REPS2: variants seen among roughly 807,000 people sequenced by gnomAD.
The protein encoded by REPS2 is ralBP1-associated Eps domain-containing protein 2.
In REPS2, 23 loss-of-function variants were observed where a neutral mutation model predicts 53.6. That is an observed-to-expected ratio of 0.43 (90% confidence interval 0.31 to 0.61). The LOEUF is 0.61. Ranked by LOEUF, REPS2 falls within the 20% of genes least tolerant of loss-of-function variation. REPS2 has a pLI of 0.11. For missense variants in REPS2, 446 were observed against 534.9 expected (o/e 0.83, Z 1.64); for synonymous variants, 238 against 218.6 (o/e 1.09, Z -0.78).
chrX:17,131,992 G>A lies in REPS2; in HGVS notation c.1579-1832G>A, dbSNP rs188086467. Among the ~76,000 whole-genome samples, 18 of 108,480 alleles carry A rather than the reference G, an allele frequency of 1.7e-4. No individual in the cohort carries two copies. The East Asian group carries it at 5.2e-3, about 31-fold the overall frequency. 94.2% of individuals were successfully genotyped at this position (108,480 alleles called of 115,157 possible). A position where few individuals can be genotyped will look rare whatever the true frequency, so the allele number is the denominator to read the frequency against. On this transcript the variant is annotated intron_variant, in intron 14 of 17. Transcript: ENST00000357277. ...ATGGTATTTCAGGCAGGACATGAGC[G>A]ACAATCATTAACAGTATACAACTTT... is the stretch of plus-strand genomic sequence containing the variant.
Position 16,946,724 on chromosome X carries a change from C to T in REPS2, c.-138C>T, listed in dbSNP as rs1168078522. The T allele has an allele frequency of 8.1e-5, 51 of 633,408 alleles. No homozygotes were observed. Among genetic ancestry groups the T allele is most frequent in the Non-Finnish European group, 9.2e-5 (50 of 541,155 alleles). The allele number at this position is 633,408 out of a possible 1,213,427, so 52.2% of individuals were successfully genotyped here. On this transcript the variant is annotated 5_prime_UTR_variant, in exon 1 of 18. Transcript: ENST00000357277. ...AAGCGGCCGCGCGGCAGCTGCGGGG[C>T]GTGGGGGTGGTGGTGGCGGCGGCGG...
chrX:17,195,040 G>A, the REPS2 span, among the ~76,000 whole-genome samples: 1 of 112,123 alleles, frequency 8.9e-6, no homozygotes, highest in Non-Finnish European at 1.9e-5. Context: ...TAGATTGCAG[G>A]ACAAATCCTG....
At chrX:16,964,637 G>A in intron 1 of REPS2, among the ~76,000 whole-genome samples, 1 of 107,420 alleles carries the variant, frequency 9.3e-6, no homozygotes, top group Non-Finnish European at 1.9e-5. Flanking sequence ...CTCCCGGACG[G>A]GGCGGCTGGC....
rs74473321 is a variant in REPS2 at position 16,951,559 on chromosome X, A to ACCCC, written c.273+4427_273+4430dup. Among the ~76,000 whole-genome samples, 127 of 37,503 alleles carry ACCCC rather than the reference A, an allele frequency of 3.4e-3. 2 individuals are homozygous for ACCCC. Among genetic ancestry groups the ACCCC allele is most frequent in the Non-Finnish European group, 4.8e-3 (86 of 18,051 alleles). The allele number at this position is 37,503 out of a possible 115,157, so 32.6% of individuals were successfully genotyped here. On this transcript the variant is annotated intron_variant, in intron 1 of 17. Transcript: ENST00000357277. ...CACACACACACACACACACACACAC[A>ACCCC]CCCCCGCTACCTACCTCTCTCTGGG...
intron 5 of REPS2, among the ~76,000 whole-genome samples, chrX:17,032,646 G>A (rs1192801322): frequency 2.7e-5 from 3 of 111,663 alleles, no homozygotes; most frequent in African/African-American, 9.8e-5. Flanking sequence ...TTGATGTGCC[G>A]ATGGCAACCT....
At chrX:17,135,446 G>A (rs756103748) in intron 16 of REPS2, 40 bp downstream of exon 16, 12 of 1,166,216 alleles carry the variant, frequency 1.0e-5, no homozygotes, top group African/African-American at 3.6e-5. Context: ...TAGGAATCTC[G>A]CTCTGAGATG....
chrX:17,195,767 T>C, the REPS2 span, among the ~76,000 whole-genome samples: 1 of 112,578 alleles, frequency 8.9e-6, no homozygotes, highest in East Asian at 2.8e-4. Context: ...CCTGGTATGT[T>C]TGAGGTAATA....
the REPS2 span, among the ~76,000 whole-genome samples, chrX:17,158,990 G>A: frequency 8.9e-6 from 1 of 112,204 alleles, no homozygotes; most frequent in Non-Finnish European, 1.9e-5. Context: ...TGGCAGAACG[G>A]CTGGTTATAG....
intron 7 of REPS2, among the ~76,000 whole-genome samples, chrX:17,053,464 G>C (rs1407001655): frequency 9.0e-6 from 1 of 111,071 alleles, no homozygotes; most frequent in African/African-American, 3.3e-5. Flanking sequence ...TGCAGCCTCT[G>C]ACTCCTAAGC....
Position 16,992,431 on chromosome X carries a change from A to T in REPS2, c.274-13790A>T, listed in dbSNP as rs1015282096. ...AACAAACTAAGACATGGAGTATTTT[A>T]AAAAATGGGTTGAACATTCAGAGGC... On this transcript the variant is annotated intron_variant, in intron 1 of 17. Coordinates refer to ENST00000357277, the MANE Select transcript of REPS2 (RefSeq NM_004726.3). Among the ~76,000 whole-genome samples the T allele has an allele frequency of 6.2e-5, 7 of 112,251 alleles. No individual in the cohort carries two copies. In the Admixed American group the frequency reaches 6.6e-4, roughly 11 times the overall value.
At chrX:16,968,901 C>T (rs1438870969) in intron 1 of REPS2, among the ~76,000 whole-genome samples, 5 of 107,085 alleles carry the variant, frequency 4.7e-5, no homozygotes, top group Middle Eastern at 0.01. Context: ...GGATGGCTGC[C>T]GGGTGGAGGG....
chrX:16,962,473 T>C (rs1166490264), intron 1 of REPS2, among the ~76,000 whole-genome samples: 7 of 111,251 alleles, frequency 6.3e-5, no homozygotes, highest in Non-Finnish European at 1.3e-4. Context: ...AAGAGTCAAA[T>C]ATATAGAAAC....
chrX:17,027,623 GT>G (rs1247610831), intron 4 of REPS2, among the ~76,000 whole-genome samples: 2 of 104,836 alleles, frequency 1.9e-5, no homozygotes, highest in Non-Finnish European at 3.9e-5. Flanking sequence ...AAGAGTTCTG[GT>G]TTGACACTGA....
At chrX:17,043,878 C>T (rs185665134) in intron 5 of REPS2, among the ~76,000 whole-genome samples, 62 of 112,411 alleles carry the variant, frequency 5.5e-4, no homozygotes, top group African/African-American at 1.8e-3. Context: ...GCCGTGGGTA[C>T]GGCAGGTACA....
At chrX:17,187,385 TC>T in the REPS2 span, among the ~76,000 whole-genome samples, 1 of 111,652 alleles carries the variant, frequency 9.0e-6, no homozygotes, top group African/African-American at 3.3e-5. Flanking sequence ...GAATGGGCCC[TC>T]CTTAGAAGCT....
At chrX:17,145,808 A>T (rs752082949) in intron 17 of REPS2, among the ~76,000 whole-genome samples, 4 of 111,756 alleles carry the variant, frequency 3.6e-5, no homozygotes, top group Non-Finnish European at 7.5e-5. Flanking sequence ...TCCTTCCCTG[A>T]TTAGAAACAC....
chrX:17,078,661 T>C (rs1316982456), intron 13 of REPS2, among the ~76,000 whole-genome samples: 1 of 111,962 alleles, frequency 8.9e-6, no homozygotes, highest in East Asian at 2.8e-4. Flanking sequence ...ATTAAAACAA[T>C]CTGGGAAGCT....
intron 7 of REPS2, 130 bp from the exon 8 acceptor site, chrX:17,054,678 T>C (rs779527946): frequency 1.0e-4 from 65 of 621,904 alleles, no homozygotes; most frequent in African/African-American, 1.0e-3. Flanking sequence ...TCAAATGGAT[T>C]TGGCTAGGAG....
At chrX:16,986,659 TTAGAAGTGACCTCAC>T (rs2061094450) in intron 1 of REPS2, among the ~76,000 whole-genome samples, 1 of 111,424 alleles carries the variant, frequency 9.0e-6, no homozygotes, top group Non-Finnish European at 1.9e-5. Context: ...CACTGGGTCA[TTAGAAGTGACCTCAC>T]TAGAAGTGAA....
Sources: gnomAD v4.1 joint callset for allele counts (sites outside exome capture counted in the v4.1 genomes callset) on GRCh38, gnomAD v4.1.1 for gene constraint, MANE v1.5 for transcripts, NCBI Gene and HGNC (gene_info 2026-07-23, HGNC 2026-07-21) for gene names.